CLASP2: variants seen among roughly 807,000 people sequenced by gnomAD.
CLASP2 encodes cytoplasmic linker associated protein 2.
In CLASP2, 47 loss-of-function variants were observed where a neutral mutation model predicts 194.4. The observed-to-expected ratio is 0.24, with a 90% CI of 0.19 to 0.31. CLASP2 has a LOEUF of 0.31. CLASP2 is among the 10% of genes least tolerant of loss of function. The pLI is 1.00. For missense variants in CLASP2, 1,445 were observed against 1,823.6 expected (o/e 0.79, Z 3.78); for synonymous variants, 619 against 633.5 (o/e 0.98, Z 0.34).
rs1354734709 is a variant in CLASP2 at position 33,498,736 on chromosome 3, T to A, written c.4435-19A>T. On this transcript the variant is annotated intron_variant, in intron 38 of 38. Coordinates refer to ENST00000682230, the MANE Select transcript of CLASP2 (RefSeq NM_001365631.1). ...GCTTCATCTGCAGATTCAAGCCAAA[T>A]AAATGTCATTTGAGCAAGCTGCTCC... 4 of 1,565,306 alleles carry A rather than the reference T, an allele frequency of 2.6e-6. No homozygotes were observed. The highest frequency in any genetic ancestry group is 4.5e-5 in the East Asian group (2 of 44,596).
At chr3:33,625,749 G>C (rs1048202815) in intron 10 of CLASP2, among the ~76,000 whole-genome samples, 5 of 152,082 alleles carry the variant, frequency 3.3e-5, no homozygotes, top group South Asian at 2.1e-4. Context: ...ATAGCTCACT[G>C]TAACTTCAGA....
At chr3:33,541,344 TC>T (rs1199765637) in intron 32 of CLASP2, among the ~76,000 whole-genome samples, 1 of 152,120 alleles carries the variant, frequency 6.6e-6, no homozygotes, top group Non-Finnish European at 1.5e-5. Flanking sequence ...ACTTTTAAGT[TC>T]AGGGGTATGT....
intron 34 of CLASP2, among the ~76,000 whole-genome samples, chr3:33,526,262 G>T (rs1218246422): frequency 1.3e-5 from 2 of 151,874 alleles, no homozygotes; most frequent in Non-Finnish European, 2.9e-5. Context: ...AATACACAGA[G>T]ACTCAAAATA....
At chr3:33,551,168 A>G (rs2059959343) in intron 30 of CLASP2, 84 bp downstream of exon 30, 13 of 1,251,084 alleles carry the variant, frequency 1.0e-5, no homozygotes, top group Non-Finnish European at 1.3e-5. Flanking sequence ...TAAGGTCCTG[A>G]AAATATTAGC....
At chr3:33,598,125 G>A (rs2070971195) in intron 18 of CLASP2, among the ~76,000 whole-genome samples, 1 of 151,376 alleles carries the variant, frequency 6.6e-6, no homozygotes, top group Non-Finnish European at 1.5e-5. Context: ...AACTTTGAAA[G>A]CCTGCGTCTA....
chr3:33,525,412 A>G (rs903225913), intron 34 of CLASP2, among the ~76,000 whole-genome samples: 1 of 152,122 alleles, frequency 6.6e-6, no homozygotes, highest in Non-Finnish European at 1.5e-5. Context: ...CAACTCAAAC[A>G]TCCAGGTGCT....
intron 18 of CLASP2, 158 bp downstream of exon 18, chr3:33,602,794 G>A: frequency 2.6e-6 from 2 of 782,728 alleles, no homozygotes; most frequent in Non-Finnish European, 4.3e-6. Flanking sequence ...AGGCAGCTCA[G>A]ATTCCTCAGA....
chr3:33,625,475 C>G (rs1464909685), intron 10 of CLASP2, among the ~76,000 whole-genome samples: 1 of 150,170 alleles, frequency 6.7e-6, no homozygotes, highest in Non-Finnish European at 1.5e-5. Flanking sequence ...TGCCTGACAT[C>G]TATACCAGGT....
In CLASP2 at chr3:33,543,423, C is replaced by G; in HGVS notation, c.3404+10G>C. 1 of 1,473,638 alleles carries G rather than the reference C, an allele frequency of 6.8e-7. No individual in the cohort carries two copies. The highest frequency in any genetic ancestry group is 9.5e-7 in the Non-Finnish European group (1 of 1,052,630). The allele number at this position is 1,473,638 out of a possible 1,614,324, so 91.3% of individuals were successfully genotyped here. The stretch of plus-strand genomic sequence containing the variant: ...ATACAAACCATCATGAAAAATCATC[C>G]TTTTATTACCTTGGAGATAAAGTAT... On this transcript the variant is annotated intron_variant, in intron 32 of 38. Coordinates refer to ENST00000682230, the MANE Select transcript of CLASP2 (RefSeq NM_001365631.1).
intron 27 of CLASP2, among the ~76,000 whole-genome samples, chr3:33,565,381 A>G (rs1432973880): frequency 6.6e-6 from 1 of 151,870 alleles, no homozygotes; most frequent in South Asian, 2.1e-4. Context: ...GGGTTTCACC[A>G]TGTTGGCCTG....
intron 37 of CLASP2, among the ~76,000 whole-genome samples, chr3:33,509,344 G>A (rs1049138330): frequency 2.0e-5 from 3 of 152,196 alleles, no homozygotes; most frequent in African/African-American, 7.2e-5. Context: ...AGCCTCCCGA[G>A]TAGCTGGGAT....
intron 1 of CLASP2, among the ~76,000 whole-genome samples, chr3:33,700,924 T>G (rs1190326201): frequency 6.6e-6 from 1 of 152,136 alleles, no homozygotes; most frequent in Non-Finnish European, 1.5e-5. Context: ...AAATACTGTA[T>G]CATTTACAAA....
Position 33,708,498 on chromosome 3 carries a change from A to ATATATG in CLASP2, c.195+9309_195+9310insCATATA, listed in dbSNP as rs1553689202. 8.3e-4 allele frequency among the ~76,000 whole-genome samples: 68 copies of ATATATG among 81,446 alleles called. 2 individuals are homozygous for ATATATG. Among genetic ancestry groups the ATATATG allele is most frequent in the East Asian group, 6.0e-3 (15 of 2,512 alleles). 53.4% of individuals were successfully genotyped at this position (81,446 alleles called of 152,430 possible). On this transcript the variant is annotated intron_variant, in intron 1 of 38. Transcript: ENST00000682230. ...TGTGTGTGTGTGTGTATGTATATAT[A>ATATATG]TATATATGTATATATATGTATATAT...
chr3:33,505,439 G>A (rs1336209655), intron 37 of CLASP2: 1 of 152,140 alleles, frequency 6.6e-6, no homozygotes, highest in Non-Finnish European at 1.5e-5. Context: ...GAAAAAGAAT[G>A]AAGTTGAAAC....
At chr3:33,588,617 A>G in intron 21 of CLASP2, 1 of 678,008 alleles carries the variant, frequency 1.5e-6, no homozygotes, top group Non-Finnish European at 2.7e-6. Context: ...CTATGACGTT[A>G]AGAATTTCTG....
intron 38 of CLASP2, among the ~76,000 whole-genome samples, chr3:33,501,240 T>C (rs942300104): frequency 1.3e-5 from 2 of 152,096 alleles, no homozygotes; most frequent in Non-Finnish European, 2.9e-5. Context: ...AGGGGAAAAA[T>C]TTTTAAATGT....
chr3:33,608,279 T>G (rs941577830), intron 14 of CLASP2, among the ~76,000 whole-genome samples: 1 of 152,190 alleles, frequency 6.6e-6, no homozygotes, highest in Admixed American at 6.5e-5. Context: ...ACTTACATCA[T>G]ATGACTAGAG....
At chr3:33,571,208 T>A (rs1168917190) in intron 25 of CLASP2, among the ~76,000 whole-genome samples, 1 of 138,542 alleles carries the variant, frequency 7.2e-6, no homozygotes, top group Non-Finnish European at 1.6e-5. Flanking sequence ...AGAGACGGGG[T>A]TTCACCGTGT....
chr3:33,544,896 C>A (rs76877738), intron 30 of CLASP2, 55 bp from the exon 31 acceptor site: 30,721 of 1,321,870 alleles, frequency 0.023, 436 homozygotes, highest in Non-Finnish European at 0.027. Flanking sequence ...CAAACAAGAC[C>A]GTTTTCTTCC....
Sources: allele counts gnomAD v4.1 joint callset (sites outside exome capture counted in the v4.1 genomes callset), GRCh38; gene constraint gnomAD v4.1.1; transcripts MANE v1.5; gene names NCBI Gene and HGNC (gene_info 2026-07-23, HGNC 2026-07-21).